Variants in CMIP observed in about 807,000 individuals in gnomAD.
The protein encoded by CMIP is C-Maf-inducing protein.
Under a neutral mutation model 97.3 loss-of-function variants are expected in CMIP, and 13 were observed. The observed-to-expected ratio is 0.13, with a 90% CI of 0.09 to 0.21. The LOEUF (loss-of-function observed/expected upper bound fraction) is 0.21. Ranked by LOEUF, CMIP falls within the 10% of genes least tolerant of loss-of-function variation. The pLI, the probability that CMIP is intolerant of heterozygous loss-of-function variation, is 1.00. For missense variants in CMIP, 847 were observed against 1,024.9 expected, an observed-to-expected ratio of 0.83 and a Z score of 2.37; for synonymous variants, 538 against 436.3, an observed-to-expected ratio of 1.23 and a Z score of -2.91.
intron 1 of CMIP, among the ~76,000 whole-genome samples, chr16:81,537,558 A>C (rs1157171070): frequency 1.3e-4 from 20 of 149,848 alleles, no homozygotes; most frequent in African/African-American, 4.9e-4. Flanking sequence ...AAAAAAAAAA[A>C]AAAAAAAAAA....
At chr16:81,596,858 G>A (rs886604162) in intron 1 of CMIP, among the ~76,000 whole-genome samples, 22 of 152,248 alleles carry the variant, frequency 1.4e-4, no homozygotes, top group African/African-American at 4.6e-4. Flanking sequence ...ACAGACTCAG[G>A]TGCACCTCTT....
intron 19 of CMIP, among the ~76,000 whole-genome samples, chr16:81,706,113 T>G (rs767403752): frequency 2.0e-5 from 3 of 152,220 alleles, no homozygotes; most frequent in Non-Finnish European, 4.4e-5. Context: ...TCAAGGAACC[T>G]AGAAAGGCCA....
At chr16:81,543,202 A>G (rs903478712) in intron 1 of CMIP, among the ~76,000 whole-genome samples, 6 of 152,270 alleles carry the variant, frequency 3.9e-5, no homozygotes, top group Admixed American at 2.0e-4. Flanking sequence ...GCTGGGTCTG[A>G]CTTTGGGAAT....
chr16:81,702,178 G>A (rs1413831705), intron 16 of CMIP, among the ~76,000 whole-genome samples: 1 of 152,192 alleles, frequency 6.6e-6, no homozygotes, highest in Non-Finnish European at 1.5e-5. Flanking sequence ...GACGGAAGGG[G>A]CAGGAAATTC....
intron 1 of CMIP, among the ~76,000 whole-genome samples, chr16:81,577,103 T>TATCACC (rs2091203634): frequency 7.8e-6 from 1 of 127,446 alleles, no homozygotes; most frequent in Non-Finnish European, 1.7e-5. Flanking sequence ...TTATTATCAC[T>TATCACC]ATCACCATCA....
intron 6 of CMIP, among the ~76,000 whole-genome samples, chr16:81,661,298 G>A (rs1175735224): frequency 1.3e-5 from 2 of 152,234 alleles, no homozygotes; most frequent in Non-Finnish European, 2.9e-5. Context: ...GGTGGGGTGC[G>A]GCTGTGGGGC....
intron 1 of CMIP, among the ~76,000 whole-genome samples, chr16:81,585,493 G>C (rs906221045): frequency 1.5e-4 from 23 of 152,078 alleles, no homozygotes; most frequent in Non-Finnish European, 3.1e-4. Context: ...CTCCTGCCAG[G>C]CCATGACAGC....
chr16:81,688,621 T>C (rs965265490), intron 10 of CMIP, among the ~76,000 whole-genome samples: 19 of 152,330 alleles, frequency 1.2e-4, no homozygotes, highest in African/African-American at 3.8e-4. Flanking sequence ...GGAGCTGCTG[T>C]TGTTATTGTC....
At chr16:81,508,272 A>G (rs572297090) in intron 1 of CMIP, among the ~76,000 whole-genome samples, 335 of 152,338 alleles carry the variant, frequency 2.2e-3, no homozygotes, top group African/African-American at 7.9e-3. Context: ...TCTCCTCCCC[A>G]GAGGCCACAG....
At chr16:81,474,788 C>G (rs1026164542) in intron 1 of CMIP, among the ~76,000 whole-genome samples, 20 of 152,186 alleles carry the variant, frequency 1.3e-4, no homozygotes, top group African/African-American at 4.6e-4. Context: ...TCCTTGGTGC[C>G]AGGGGAGCCA....
intron 1 of CMIP, among the ~76,000 whole-genome samples, chr16:81,550,081 C>T (rs1014993011): frequency 6.6e-6 from 1 of 152,214 alleles, no homozygotes; most frequent in African/African-American, 2.4e-5. Context: ...TGTGATTTCA[C>T]CCCACCCCTA....
Position 81,571,820 on chromosome 16 carries a change from G to A in CMIP, c.301-35747G>A, listed in dbSNP as rs565087785. Among the ~76,000 whole-genome samples the A allele has an allele frequency of 9.9e-4, 150 of 152,282 alleles. 2 individuals are homozygous for A. The highest frequency in any genetic ancestry group is 4.0e-3 in the Admixed American group (61 of 15,300). Reference sequence around the variant, plus strand: ...GGGAGCCCTGCTTCCCTGGCTGGAAGCCTCTCCCTTGATGCCCAGGAGAAA... The same window carrying A: ...GGGAGCCCTGCTTCCCTGGCTGGAAACCTCTCCCTTGATGCCCAGGAGAAA... On this transcript the variant is annotated intron_variant, in intron 1 of 20. Transcript: ENST00000537098.
chr16:81,460,383 C>T (rs1233682318), intron 1 of CMIP, among the ~76,000 whole-genome samples: 9 of 152,160 alleles, frequency 5.9e-5, no homozygotes. Context: ...TCCCTCTACC[C>T]AGGTTTTTCT....
intron 10 of CMIP, among the ~76,000 whole-genome samples, chr16:81,690,860 A>C (rs1039247476): frequency 5.3e-5 from 8 of 152,138 alleles, no homozygotes; most frequent in African/African-American, 1.9e-4. Flanking sequence ...CAGGAGGTGG[A>C]GGTTGCAGTG....
At chr16:81,623,030 C>T (rs2092013423) in intron 3 of CMIP, among the ~76,000 whole-genome samples, 1 of 152,184 alleles carries the variant, frequency 6.6e-6, no homozygotes, top group Non-Finnish European at 1.5e-5. Flanking sequence ...TGGCAAAATG[C>T]CATCTGTACC....
chr16:81,643,499 G>A (rs527960547), intron 3 of CMIP, among the ~76,000 whole-genome samples: 6 of 152,294 alleles, frequency 3.9e-5, no homozygotes, highest in South Asian at 4.1e-4. Flanking sequence ...CTGTAAATGG[G>A]TACATGGTGG....
At chr16:81,640,373 C>T (rs577457269) in intron 3 of CMIP, among the ~76,000 whole-genome samples, 1 of 151,882 alleles carries the variant, frequency 6.6e-6, no homozygotes, top group African/African-American at 2.4e-5. Context: ...TGCAGAGGGC[C>T]CTGCTGCCTT....
At chr16:81,613,971 T>C (rs1424647198) in intron 2 of CMIP, among the ~76,000 whole-genome samples, 3 of 152,234 alleles carry the variant, frequency 2.0e-5, no homozygotes, top group African/African-American at 2.4e-5. Flanking sequence ...ACGTGGTTCC[T>C]GACCTCCCAG....
chr16:81,634,370 G>C (rs1432062060), intron 3 of CMIP, among the ~76,000 whole-genome samples: 1 of 152,162 alleles, frequency 6.6e-6, no homozygotes, highest in African/African-American at 2.4e-5. Context: ...ATCCAAGCTG[G>C]AATTCAAACC....
Sources: allele counts gnomAD v4.1 joint callset (sites outside exome capture counted in the v4.1 genomes callset), GRCh38; gene constraint gnomAD v4.1.1; transcripts MANE v1.5; gene names NCBI Gene and HGNC (gene_info 2026-07-23, HGNC 2026-07-21).